The following SLC24A2 variants were observed in gnomAD, a reference collection of about 807,000 sequenced individuals.
The protein encoded by SLC24A2 is solute carrier family 24 member 2.
Under a neutral mutation model 62.0 loss-of-function variants are expected in SLC24A2, and 36 were observed. The observed-to-expected ratio is 0.58, with a 90% CI of 0.44 to 0.77. The LOEUF (loss-of-function observed/expected upper bound fraction) is 0.77, where lower values mean the gene tolerates loss of function less well. Ranked by LOEUF, SLC24A2 falls within the 30% of genes least tolerant of loss-of-function variation. The pLI, the probability that SLC24A2 is intolerant of heterozygous loss-of-function variation, is 0.00. For synonymous variants in SLC24A2, 358 were observed against 294.0 expected (o/e 1.22, Z -2.23); for missense variants, 846 against 817.9 (o/e 1.03, Z -0.42).
intron 8 of SLC24A2, among the ~76,000 whole-genome samples, chr9:19,541,617 G>C (rs2132709034): frequency 6.8e-6 from 1 of 147,926 alleles, no homozygotes; most frequent in South Asian, 2.3e-4. Context: ...AAAGCTGTCA[G>C]ACAGGGACAC....
At chr9:20,215,317 G>A in the SLC24A2 span, among the ~76,000 whole-genome samples, 2 of 152,120 alleles carry the variant, frequency 1.3e-5, no homozygotes, top group South Asian at 2.1e-4. Context: ...GAATTTCAAC[G>A]TATGAATTTT....
At chr9:19,917,627 C>T in the SLC24A2 span, among the ~76,000 whole-genome samples, 1 of 151,896 alleles carries the variant, frequency 6.6e-6, no homozygotes, top group East Asian at 1.9e-4. Context: ...TTATTAAAAT[C>T]ATGAATAGAA....
At chr9:20,102,200 T>C in the SLC24A2 span, among the ~76,000 whole-genome samples, 1 of 152,128 alleles carries the variant, frequency 6.6e-6, no homozygotes, top group African/African-American at 2.4e-5. Flanking sequence ...AGAACTAAGG[T>C]TTCTGGGGTA....
the SLC24A2 span, among the ~76,000 whole-genome samples, chr9:20,103,403 G>A: frequency 3.9e-5 from 6 of 152,304 alleles, no homozygotes; most frequent in South Asian, 2.1e-4. Context: ...CCTCAAGTGG[G>A]TCCCTGACCC....
the SLC24A2 span, among the ~76,000 whole-genome samples, chr9:19,922,784 T>C: frequency 6.6e-6 from 1 of 152,126 alleles, no homozygotes; most frequent in African/African-American, 2.4e-5. Context: ...ATCTGGATAT[T>C]GAGAGGGTAA....
chr9:19,741,190 A>T (rs1052516149), intron 2 of SLC24A2, among the ~76,000 whole-genome samples: 2 of 152,110 alleles, frequency 1.3e-5, no homozygotes, highest in Non-Finnish European at 2.9e-5. Flanking sequence ...CTTGACTCCA[A>T]ACCCACTCTT....
At chr9:20,101,875 G>A in the SLC24A2 span, among the ~76,000 whole-genome samples, 7 of 152,312 alleles carry the variant, frequency 4.6e-5, no homozygotes, top group African/African-American at 1.4e-4. Context: ...TTGAAAGCCT[G>A]CCTAAAGATT....
chr9:20,068,244 A>G, the SLC24A2 span, among the ~76,000 whole-genome samples: 1 of 151,708 alleles, frequency 6.6e-6, no homozygotes, highest in Non-Finnish European at 1.5e-5. Context: ...CTGTATTTTT[A>G]GTAGAGACGG....
the SLC24A2 span, among the ~76,000 whole-genome samples, chr9:19,799,708 T>C: frequency 6.6e-6 from 1 of 152,220 alleles, no homozygotes; most frequent in African/African-American, 2.4e-5. Context: ...GTCTAATAGA[T>C]TGCAGATGTT....
chr9:19,613,076 A>T (rs1166978053), intron 4 of SLC24A2, among the ~76,000 whole-genome samples: 1 of 152,222 alleles, frequency 6.6e-6, no homozygotes, highest in African/African-American at 2.4e-5. Flanking sequence ...GTGTTCAATA[A>T]GTGGAAGCTA....
chr9:19,636,384 T>C (rs1367319486), intron 2 of SLC24A2, among the ~76,000 whole-genome samples: 5,804 of 27,502 alleles, frequency 0.21, 708 homozygotes, highest in African/African-American at 0.26. Flanking sequence ...TCTTTCTTTC[T>C]TTCTCCCTCT....
At chr9:19,648,486 G>C (rs1818706344) in intron 2 of SLC24A2, among the ~76,000 whole-genome samples, 1 of 152,140 alleles carries the variant, frequency 6.6e-6, no homozygotes, top group Admixed American at 6.5e-5. Flanking sequence ...AATCAATTTG[G>C]CTAAAACTAG....
chr9:19,588,670 G>A (rs945909569), intron 5 of SLC24A2, among the ~76,000 whole-genome samples: 1 of 152,208 alleles, frequency 6.6e-6, no homozygotes, highest in South Asian at 2.1e-4. Context: ...ATTTAAATTT[G>A]CCATCTGAGG....
chr9:19,792,900 A>G (rs2118967180), upstream of SLC24A2, among the ~76,000 whole-genome samples: 1 of 152,352 alleles, frequency 6.6e-6, no homozygotes, highest in South Asian at 2.1e-4. Flanking sequence ...ACACTTATGA[A>G]GTATTCAATG....
At chr9:19,895,550 T>C in the SLC24A2 span, among the ~76,000 whole-genome samples, 45 of 23,326 alleles carry the variant, frequency 1.9e-3, no homozygotes, top group African/African-American at 5.5e-3. Flanking sequence ...TTCTTTCTTT[T>C]TTTTTTTTTT....
At chr9:20,130,042 C>G in the SLC24A2 span, among the ~76,000 whole-genome samples, 1 of 151,790 alleles carries the variant, frequency 6.6e-6, no homozygotes, top group East Asian at 1.9e-4. Flanking sequence ...TTTAGAGAGT[C>G]TTTCCCTTTG....
chr9:19,788,802 C>T, intron 1 of SLC24A2, 83 bp downstream of exon 1: 1 of 985,452 alleles, frequency 1.0e-6, no homozygotes, highest in Non-Finnish European at 1.2e-6. Flanking sequence ...TGCAGAGCAG[C>T]AACGGGATGC....
At chr9:19,674,276 G>A (rs1018960117) in intron 2 of SLC24A2, among the ~76,000 whole-genome samples, 1 of 152,146 alleles carries the variant, frequency 6.6e-6, no homozygotes, top group Non-Finnish European at 1.5e-5. Context: ...GTTACCTGGT[G>A]CTTTCACCTC....
At chr9:19,560,588 C>G (rs1331254771) in intron 7 of SLC24A2, among the ~76,000 whole-genome samples, 2 of 152,168 alleles carry the variant, frequency 1.3e-5, no homozygotes, top group Non-Finnish European at 2.9e-5. Flanking sequence ...CTGAATCTGC[C>G]AGAACCTTGA....
Sources: allele counts gnomAD v4.1 joint callset (sites outside exome capture counted in the v4.1 genomes callset), GRCh38; gene constraint gnomAD v4.1.1; transcripts MANE v1.5; gene names NCBI Gene and HGNC (gene_info 2026-07-23, HGNC 2026-07-21).